The following NKAIN3 variants were observed in gnomAD, a reference collection of about 807,000 sequenced individuals.
NKAIN3 encodes sodium/potassium-transporting ATPase subunit beta-1-interacting protein 3.
Under a neutral mutation model 30.2 loss-of-function variants are expected in NKAIN3, and 25 were observed. The ratio of observed to expected loss-of-function variants is 0.83; its 90% CI spans 0.60 to 1.16. The LOEUF (loss-of-function observed/expected upper bound fraction) is 1.16. Ranked by LOEUF, NKAIN3 falls within the 50% of genes most tolerant of loss-of-function variation. The probability of loss-of-function intolerance (pLI) is 0.00; values close to 1 mark genes in which losing one functional copy is unlikely to be tolerated. For missense variants in NKAIN3, 225 were observed against 254.1 expected, an observed-to-expected ratio of 0.89 and a Z score of 0.78; for synonymous variants, 91 against 89.6, an observed-to-expected ratio of 1.02 and a Z score of -0.09.
At chr8:62,653,816 C>G (rs900147437) in intron 3 of NKAIN3, among the ~76,000 whole-genome samples, 3 of 152,054 alleles carry the variant, frequency 2.0e-5, no homozygotes, top group African/African-American at 7.2e-5. Flanking sequence ...CGATCTTATT[C>G]CAGAATTATT....
At chr8:62,817,402 G>A (rs1178260915) in intron 4 of NKAIN3, among the ~76,000 whole-genome samples, 2 of 152,078 alleles carry the variant, frequency 1.3e-5, no homozygotes, top group African/African-American at 4.8e-5. Flanking sequence ...TTTGTTTCGA[G>A]TGGGAAGTTT....
In NKAIN3 at chr8:62,953,918, A is replaced by G; in HGVS notation, c.549A>G (p.Gly183=). Residue 183 remains glycine (G), a synonymous_variant, in exon 6 of 7, where the codon GGA becomes GGG. Coordinates refer to ENST00000623646, the MANE Select transcript of NKAIN3 (RefSeq NM_001304533.3). ...TATTTTCAGTTGATTTCATAGGTGGACTTGATACACACTCCTACTACCAGG... is the reference window on the plus strand; with the variant it reads ...TATTTTCAGTTGATTTCATAGGTGGGCTTGATACACACTCCTACTACCAGG... ...EEEDTFDFIG[G]LDTHSYYQDH... is the part of the protein sequence containing the mutation. The G allele has an allele frequency of 1.0e-6, 1 of 978,062 alleles. No individual in the cohort carries two copies. Among genetic ancestry groups the G allele is most frequent in the Non-Finnish European group, 1.2e-6 (1 of 822,816 alleles). The allele number at this position is 978,062 out of a possible 1,614,324, so 60.6% of individuals were successfully genotyped here. A position where few individuals can be genotyped will look rare whatever the true frequency, so the allele number is the denominator to read the frequency against.
chr8:62,699,361 A>G (rs773528625), intron 3 of NKAIN3, among the ~76,000 whole-genome samples: 30 of 152,216 alleles, frequency 2.0e-4, no homozygotes, highest in Non-Finnish European at 3.8e-4. Flanking sequence ...ATCTATATTA[A>G]ACTTTGAATG....
chr8:62,621,039 A>C (rs781733020), intron 3 of NKAIN3, among the ~76,000 whole-genome samples: 6 of 152,210 alleles, frequency 3.9e-5, no homozygotes, highest in Non-Finnish European at 8.8e-5. Context: ...CCTGGTATTG[A>C]TTAAGAAGTA....
intron 1 of NKAIN3, among the ~76,000 whole-genome samples, chr8:62,389,158 A>G (rs1352768794): frequency 1.3e-5 from 2 of 152,218 alleles, no homozygotes; most frequent in Non-Finnish European, 2.9e-5. Flanking sequence ...CAGGAAAATA[A>G]GAGCTGCAAT....
At chr8:62,344,529 A>G (rs1198702706) in intron 1 of NKAIN3, among the ~76,000 whole-genome samples, 1 of 152,096 alleles carries the variant, frequency 6.6e-6, no homozygotes, top group Non-Finnish European at 1.5e-5. Flanking sequence ...TCAATAGAAA[A>G]TGGTACATTA....
intron 4 of NKAIN3, among the ~76,000 whole-genome samples, chr8:62,869,915 A>G (rs914234351): frequency 1.3e-4 from 19 of 151,844 alleles, no homozygotes; most frequent in African/African-American, 3.9e-4. Context: ...GACTACAGGC[A>G]CTCGCCACCA....
At chr8:62,964,301 A>G (rs888463072) in intron 6 of NKAIN3, among the ~76,000 whole-genome samples, 2 of 152,230 alleles carry the variant, frequency 1.3e-5, no homozygotes, top group Non-Finnish European at 2.9e-5. Flanking sequence ...CTGTGAGAGC[A>G]AAAGTGTTCA....
chr8:62,834,636 G>T (rs1819303856), intron 4 of NKAIN3, among the ~76,000 whole-genome samples: 2 of 151,898 alleles, frequency 1.3e-5, no homozygotes, highest in South Asian at 2.1e-4. Flanking sequence ...GAAGTGAAAA[G>T]ATCTCTACAA....
At chr8:62,302,634 G>A (rs764609971) in intron 1 of NKAIN3, among the ~76,000 whole-genome samples, 6 of 151,980 alleles carry the variant, frequency 3.9e-5, no homozygotes, top group Non-Finnish European at 8.8e-5. Flanking sequence ...GTAGTGCCAG[G>A]ACATAAAAGG....
At chr8:62,896,322 C>T (rs1378525) in intron 4 of NKAIN3, among the ~76,000 whole-genome samples, 7 of 151,418 alleles carry the variant, frequency 4.6e-5, no homozygotes, top group Non-Finnish European at 1.0e-4. Flanking sequence ...CTTCCAAAAG[C>T]ATCACCTCCT....
chr8:62,927,221 A>T (rs768462946), intron 5 of NKAIN3, among the ~76,000 whole-genome samples: 5 of 152,084 alleles, frequency 3.3e-5, no homozygotes, highest in Non-Finnish European at 7.4e-5. Flanking sequence ...GTTATCACTG[A>T]AGATGCTGTC....
intron 4 of NKAIN3, among the ~76,000 whole-genome samples, chr8:62,810,606 T>G (rs918790174): frequency 6.6e-6 from 1 of 151,918 alleles, no homozygotes; most frequent in Non-Finnish European, 1.5e-5. Flanking sequence ...TACCATATTA[T>G]GTATGCATGA....
intron 4 of NKAIN3, among the ~76,000 whole-genome samples, chr8:62,907,078 A>C (rs1821797921): frequency 6.6e-6 from 1 of 152,220 alleles, no homozygotes; most frequent in Non-Finnish European, 1.5e-5. Flanking sequence ...GTCCTGGTTG[A>C]GTAGTCTCAG....
At chr8:62,250,928 T>G (rs1273917098) in intron 1 of NKAIN3, among the ~76,000 whole-genome samples, 1 of 152,222 alleles carries the variant, frequency 6.6e-6, no homozygotes, top group East Asian at 1.9e-4. Context: ...TGATACACTC[T>G]TAAATAATTT....
At position 62,832,057 on chromosome 8, in the gene NKAIN3, C is replaced by G. The variant is rs113346578; in HGVS notation, c.471+84928C>G. Among the ~76,000 whole-genome samples the G allele has an allele frequency of 3.9e-5, 6 of 152,090 alleles. No individual in the cohort carries two copies. In the South Asian group the frequency reaches 1.2e-3, roughly 32 times the overall value. The stretch of plus-strand genomic sequence containing the variant: ...TATACAAACCAGAAGAGATAAGAGG[C>G]CTATTTTCAGCATTCTTAGAGAAAT... On this transcript the variant is annotated intron_variant, in intron 4 of 6. Transcript: ENST00000623646.
At chr8:62,894,853 C>A (rs377386223) in intron 4 of NKAIN3, among the ~76,000 whole-genome samples, 16 of 152,214 alleles carry the variant, frequency 1.1e-4, no homozygotes, top group African/African-American at 3.9e-4. Flanking sequence ...CTTAAAGTCA[C>A]CTCATGAGCA....
At chr8:62,514,283 T>G (rs1303481152) in intron 1 of NKAIN3, among the ~76,000 whole-genome samples, 1 of 152,138 alleles carries the variant, frequency 6.6e-6, no homozygotes, top group Non-Finnish European at 1.5e-5. Flanking sequence ...TTTAATGTTT[T>G]TAGATAATGC....
chr8:62,610,018 A>T (rs565919390), intron 3 of NKAIN3, among the ~76,000 whole-genome samples: 1 of 152,154 alleles, frequency 6.6e-6, no homozygotes, highest in Non-Finnish European at 1.5e-5. Context: ...TGAAAGTAAG[A>T]TGACCCACAG....
Sources: allele counts gnomAD v4.1 joint callset (sites outside exome capture counted in the v4.1 genomes callset), GRCh38; gene constraint gnomAD v4.1.1; transcripts MANE v1.5; gene names NCBI Gene and HGNC (gene_info 2026-07-23, HGNC 2026-07-21).